The following PDE10A variants were observed in gnomAD, a reference collection of about 807,000 sequenced individuals.
PDE10A encodes phosphodiesterase 10A.
In PDE10A, 39 loss-of-function variants were observed where a neutral mutation model predicts 97.7. That is an observed-to-expected ratio of 0.40 (90% CI 0.31 to 0.52). PDE10A has a LOEUF of 0.52. Ranked by LOEUF, PDE10A falls within the 20% of genes least tolerant of loss-of-function variation. The probability of loss-of-function intolerance (pLI) is 0.56; values close to 1 mark genes in which losing one functional copy is unlikely to be tolerated. For synonymous variants in PDE10A, 371 were observed against 376.8 expected (o/e 0.98, Z 0.18); for missense variants, 731 against 1,047.8 (o/e 0.70, Z 4.17).
Position 165,678,169 on chromosome 6 carries a change from A to G in PDE10A, c.-614-134601T>C, listed in dbSNP as rs11755794. ...TGTGTGTGTCTCTCTGTGTGTATGT[A>G]TGTGTGTGTCCATGTGTGTCTGTGT... On this transcript the variant is annotated intron_variant, in intron 1 of 19. Coordinates refer to the PDE10A transcript ENST00000366882. Among the ~76,000 whole-genome samples, 28 of 7,628 alleles carry G rather than the reference A, an allele frequency of 3.7e-3. 1 individual carries two copies. The highest frequency in any genetic ancestry group is 9.5e-3 in the Admixed American group (7 of 736). 5.0% of individuals were successfully genotyped at this position (7,628 alleles called of 152,430 possible).
In PDE10A at chr6:165,331,495, C is replaced by G. The variant is rs1349236038; in HGVS notation, c.*1530G>C. ...AACCAGGCTCATATGAACAAAACGCCTATGGTGGTAAATATGTAGAAGCAT... is the reference window on the plus strand; with the variant it reads ...AACCAGGCTCATATGAACAAAACGCGTATGGTGGTAAATATGTAGAAGCAT... On this transcript the variant is annotated 3_prime_UTR_variant, in exon 22 of 22. Coordinates refer to ENST00000539869, the MANE Select transcript of PDE10A (RefSeq NM_001385079.1). The G allele has an allele frequency of 2.0e-5, 3 of 152,136 alleles. No homozygotes were observed. Among genetic ancestry groups the G allele is most frequent in the Non-Finnish European group, 4.4e-5 (3 of 68,018 alleles). 9.4% of individuals were successfully genotyped at this position (152,136 alleles called of 1,614,324 possible).
intron 1 of PDE10A, among the ~76,000 whole-genome samples, chr6:165,968,723 T>A (rs1387203807): frequency 6.6e-6 from 1 of 152,206 alleles, no homozygotes; most frequent in Non-Finnish European, 1.5e-5. Context: ...GGAAAACACA[T>A]AAGATTATAT....
At chr6:165,761,029 C>T (rs534519173) in intron 1 of PDE10A, among the ~76,000 whole-genome samples, 58 of 152,322 alleles carry the variant, frequency 3.8e-4, no homozygotes, top group African/African-American at 1.4e-3. Context: ...CGGAGCCTTG[C>T]GAAGTTCCCA....
intron 1 of PDE10A, among the ~76,000 whole-genome samples, chr6:165,572,618 G>A (rs186184305): frequency 2.0e-5 from 3 of 152,194 alleles, no homozygotes; most frequent in Non-Finnish European, 2.9e-5. Flanking sequence ...ATAGTCACTC[G>A]GCTGGGTGCC....
rs1199061190 is a variant in PDE10A, at chr6:165,825,145, C to CAA, written c.-615+162382_-615+162383dup. Among the ~76,000 whole-genome samples, 477 of 50,878 alleles carry CAA rather than the reference C, an allele frequency of 9.4e-3. 1 individual carries two copies. The highest frequency in any genetic ancestry group is 0.014 in the Non-Finnish European group (352 of 24,984). The allele number at this position is 50,878 out of a possible 152,430, so 33.4% of individuals were successfully genotyped here. A position where few individuals can be genotyped will look rare whatever the true frequency, so the allele number is the denominator to read the frequency against. ...CCTGGGCAACAGAAAGACTCCATCT[C>CAA]AAAAAAAAAAAAAAAAAGAAAAAGA... On this transcript the variant is annotated intron_variant, in intron 1 of 19. Coordinates refer to the PDE10A transcript ENST00000366882.
intron 18 of PDE10A, among the ~76,000 whole-genome samples, chr6:165,355,657 GA>G (rs1432020826): frequency 6.6e-6 from 1 of 152,164 alleles, no homozygotes; most frequent in Non-Finnish European, 1.5e-5. Flanking sequence ...ATGTTGCTAT[GA>G]ATGTGTGTCC....
chr6:165,762,246 G>C (rs935431718), intron 1 of PDE10A, among the ~76,000 whole-genome samples: 4 of 152,154 alleles, frequency 2.6e-5, no homozygotes, highest in Admixed American at 1.3e-4. Flanking sequence ...CCCGATTTTA[G>C]TTGGTCAGGG....
intron 1 of PDE10A, among the ~76,000 whole-genome samples, chr6:165,767,272 A>G (rs1427771904): frequency 1.3e-5 from 2 of 152,250 alleles, no homozygotes; most frequent in Non-Finnish European, 2.9e-5. Context: ...TGTTTTAAAA[A>G]TATTTCATTG....
chr6:165,643,292 C>A (rs569175279), intron 1 of PDE10A, among the ~76,000 whole-genome samples: 173 of 114,230 alleles, frequency 1.5e-3, no homozygotes, highest in African/African-American at 5.6e-3. Flanking sequence ...GACAGATGAA[C>A]GGATGGGTGT....
chr6:165,362,537 T>C (rs1783488919), intron 18 of PDE10A, among the ~76,000 whole-genome samples: 1 of 152,118 alleles, frequency 6.6e-6, no homozygotes, highest in African/African-American at 2.4e-5. Flanking sequence ...TGAATAGACC[T>C]ATAAAAAGTA....
intron 1 of PDE10A, among the ~76,000 whole-genome samples, chr6:165,785,643 C>A (rs925359486): frequency 2.0e-5 from 3 of 152,168 alleles, no homozygotes; most frequent in Admixed American, 1.3e-4. Context: ...AATTTCTGCA[C>A]CTTGTAAAAT....
At chr6:165,637,739 C>T (rs1788946964) in intron 1 of PDE10A, among the ~76,000 whole-genome samples, 1 of 152,148 alleles carries the variant, frequency 6.6e-6, no homozygotes, top group Non-Finnish European at 1.5e-5. Flanking sequence ...CCAAGTTTCC[C>T]CGGCACAGGC....
intron 1 of PDE10A, among the ~76,000 whole-genome samples, chr6:165,860,149 C>T (rs2128476507): frequency 6.6e-6 from 1 of 152,078 alleles, no homozygotes; most frequent in East Asian, 1.9e-4. Context: ...ACAGTTAAAT[C>T]CCCAATAAAA....
intron 2 of PDE10A, among the ~76,000 whole-genome samples, chr6:165,530,609 AC>A (rs66513062): frequency 2.2e-4 from 33 of 151,502 alleles, no homozygotes; most frequent in Admixed American, 1.8e-3. Flanking sequence ...CTGCACATGT[AC>A]CCCCCCCACG....
intron 1 of PDE10A, among the ~76,000 whole-genome samples, chr6:165,557,535 T>C (rs1360262875): frequency 6.6e-6 from 1 of 152,172 alleles, no homozygotes; most frequent in Admixed American, 6.5e-5. Context: ...CTTATCAAAA[T>C]ACGTTTTTTA....
intron 3 of PDE10A, among the ~76,000 whole-genome samples, chr6:165,469,689 A>C (rs554648073): frequency 2.7e-4 from 41 of 152,256 alleles, no homozygotes; most frequent in African/African-American, 7.9e-4. Context: ...TCTGGGTGAG[A>C]AATTCTTATT....
At chr6:165,632,604 G>A (rs997506921) in intron 1 of PDE10A, among the ~76,000 whole-genome samples, 11 of 152,292 alleles carry the variant, frequency 7.2e-5, no homozygotes, top group Admixed American at 2.6e-4. Flanking sequence ...AATCCCTGCA[G>A]TTCAAAATAA....
At chr6:165,770,139 G>A (rs1220104476) in intron 1 of PDE10A, among the ~76,000 whole-genome samples, 6 of 114,946 alleles carry the variant, frequency 5.2e-5, no homozygotes, top group Admixed American at 9.4e-5. Context: ...ACAAACAAAC[G>A]AAAGTAAATC....
At chr6:165,732,781 C>T (rs551499743) in intron 1 of PDE10A, among the ~76,000 whole-genome samples, 8 of 152,326 alleles carry the variant, frequency 5.3e-5, no homozygotes, top group Non-Finnish European at 1.2e-4. Flanking sequence ...GGCATATGAG[C>T]GCTGTCCCAG....
Sources: allele counts gnomAD v4.1 joint callset (sites outside exome capture counted in the v4.1 genomes callset), GRCh38; gene constraint gnomAD v4.1.1; transcripts MANE v1.5; gene names NCBI Gene and HGNC (gene_info 2026-07-23, HGNC 2026-07-21).